Variants in ZNF544 observed in about 807,000 individuals in gnomAD.
ZNF544 encodes zinc finger protein AF020591.
A neutral mutation model predicts 13.5 loss-of-function variants in ZNF544; 10 were observed. That is an observed-to-expected ratio of 0.74 (90% CI 0.46 to 1.25). ZNF544 has a LOEUF of 1.25. Among genes scored for constraint, ZNF544 ranks in the 50% most tolerant of loss-of-function variants. The pLI, the probability that ZNF544 is intolerant of heterozygous loss-of-function variation, is 0.00. For synonymous variants in ZNF544, 323 were observed against 300.5 expected (o/e 1.07, Z -0.77); for missense variants, 896 against 845.6 (o/e 1.06, Z -0.74).
intron 6 of ZNF544, chr19:58,257,442 C>A (rs1332137479): frequency 6.6e-6 from 1 of 152,194 alleles, no homozygotes; most frequent in African/African-American, 2.4e-5. Context: ...TGGCCCATGA[C>A]CAGTCTGATT....
At chr19:58,247,212 A>G (rs1568474187) in intron 6 of ZNF544, 1 of 154,422 alleles carries the variant, frequency 6.5e-6, no homozygotes. Flanking sequence ...CAGCCTCCCT[A>G]GTAGCTTGGA....
Position 58,261,179 on chromosome 19 carries a change from TAA to T in ZNF544, c.575_576del (p.Lys192ArgfsTer10), listed in dbSNP as rs866715638. ...GTTTCCCTAAGCCCAACTCACAAGT[TAA>T]AGAGTTGAAACAAAATTCAGCTTTC... ...TGFPKPNSQVKELKQNSAFIN... is the reference protein window; with the variant it reads ...TGFPKPNSQVXELKQNSAFIN... On this transcript the variant is annotated frameshift_variant, in exon 7 of 7. Transcript: ENST00000687789. LOFTEE classifies it low-confidence loss of function (END_TRUNC). 3.5e-5 allele frequency: 57 copies of T among 1,614,140 alleles called. No individual in the cohort carries two copies. Among genetic ancestry groups the T allele is most frequent in the Non-Finnish European group, 4.7e-5 (55 of 1,180,044 alleles).
At chr19:58,266,212 CAAAAAAAA>C (rs760851818), downstream of ZNF544, among the ~76,000 whole-genome samples, 3 of 46,206 alleles carry the variant, frequency 6.5e-5, no homozygotes, top group Non-Finnish European at 1.1e-4. Context: ...GACTCTGTCT[CAAAAAAAA>C]AAAAAAAAAA....
chr19:58,251,351 G>C (rs762561114), intron 6 of ZNF544: 2 of 518,906 alleles, frequency 3.9e-6, no homozygotes, highest in African/African-American at 3.8e-5. Flanking sequence ...TGGCTGATGG[G>C]AGCTTCAGGT....
chr19:58,253,080 A>C (rs2046573586), intron 6 of ZNF544, among the ~76,000 whole-genome samples: 1 of 152,260 alleles, frequency 6.6e-6, no homozygotes, highest in Non-Finnish European at 1.5e-5. Flanking sequence ...GGCCTCCCAA[A>C]GTGCTGGGAT....
downstream of ZNF544, among the ~76,000 whole-genome samples, chr19:58,264,384 C>CAAA (rs34082011): frequency 3.1e-3 from 281 of 91,232 alleles, 2 homozygotes; most frequent in Admixed American, 0.016. Flanking sequence ...AACTTCATCT[C>CAAA]AAAAAAAAAA....
chr19:58,240,346 C>T (rs955161883), intron 3 of ZNF544, among the ~76,000 whole-genome samples: 3 of 151,872 alleles, frequency 2.0e-5, no homozygotes, highest in African/African-American at 7.2e-5. Context: ...CAAGCTCCGC[C>T]TCCCGGGTTC....
chr19:58,240,533 A>G (rs116462981), intron 3 of ZNF544, among the ~76,000 whole-genome samples: 1,528 of 152,178 alleles, frequency 0.01, 35 homozygotes, highest in African/African-American at 0.035. Context: ...CTGGGATTAT[A>G]GGCATGACTT....
intron 6 of ZNF544, among the ~76,000 whole-genome samples, chr19:58,256,441 C>G (rs2047392026): frequency 1.3e-5 from 2 of 152,008 alleles, no homozygotes; most frequent in Admixed American, 1.3e-4. Context: ...ACTTTTATAC[C>G]TAGGTTTAGG....
intron 5 of ZNF544, chr19:58,276,225 A>C (rs2051211625): frequency 2.0e-6 from 1 of 510,252 alleles, no homozygotes. Flanking sequence ...TCCCCTAAAG[A>C]GAATAGATCT....
chr19:58,251,368 T>A (rs766822728), intron 6 of ZNF544: 5 of 519,026 alleles, frequency 9.6e-6, no homozygotes, highest in Admixed American at 1.9e-5. Flanking sequence ...AGGTTCCCGG[T>A]CTGGGACTTC....
intron 5 of ZNF544, among the ~76,000 whole-genome samples, chr19:58,271,279 G>A (rs1395990391): frequency 6.6e-6 from 1 of 151,238 alleles, no homozygotes; most frequent in African/African-American, 2.4e-5. Flanking sequence ...TCCTCAAGAA[G>A]AATTGGAACA....
Position 58,261,103 on chromosome 19 carries a change from CTCT to C in ZNF544, c.498_500del (p.Leu167del). The stretch of plus-strand genomic sequence containing the variant: ...GAGCTTGAACTTGGGGGAGGTTATT[CTCT>C]ACCTTCTACTTTAAGCCTTCTACCT... On this transcript the variant is annotated inframe_deletion, in exon 7 of 7. Coordinates refer to ENST00000687789, the MANE Select transcript of ZNF544 (RefSeq NM_014480.4). The C allele has an allele frequency of 1.2e-6, 2 of 1,614,140 alleles. No homozygotes were observed. The highest frequency in any genetic ancestry group is 1.7e-6 in the Non-Finnish European group (2 of 1,180,026).
At chr19:58,251,817 T>A (rs1186823691) in intron 6 of ZNF544, among the ~76,000 whole-genome samples, 4 of 152,316 alleles carry the variant, frequency 2.6e-5, no homozygotes, top group Non-Finnish European at 2.9e-5. Flanking sequence ...TAGGAACTCC[T>A]ATTTTAGAGT....
At chr19:58,238,223 C>T (rs767006006) in intron 3 of ZNF544, among the ~76,000 whole-genome samples, 1 of 152,178 alleles carries the variant, frequency 6.6e-6, no homozygotes, top group Non-Finnish European at 1.5e-5. Context: ...TGAGTTACCA[C>T]GCCTGGCTGA....
intron 6 of ZNF544, 130 bp from the exon 7 acceptor site, chr19:58,260,721 T>G: frequency 1.2e-6 from 1 of 842,782 alleles, no homozygotes; most frequent in Non-Finnish European, 1.8e-6. Flanking sequence ...ACAGCCTGCA[T>G]ACGGATTACA....
chr19:58,273,518 G>A (rs1433081995), intron 5 of ZNF544, among the ~76,000 whole-genome samples: 1 of 151,326 alleles, frequency 6.6e-6, no homozygotes, highest in Non-Finnish European at 1.5e-5. Flanking sequence ...CCGAAACCCT[G>A]TCTCTACTAA....
chr19:58,251,381 A>G (rs1363490815), intron 6 of ZNF544: 2 of 518,956 alleles, frequency 3.9e-6, no homozygotes, highest in African/African-American at 1.9e-5. Flanking sequence ...GGGACTTCAC[A>G]TAACACAGGC....
At chr19:58,243,762 G>A (rs892421202) in intron 3 of ZNF544, among the ~76,000 whole-genome samples, 3 of 152,116 alleles carry the variant, frequency 2.0e-5, no homozygotes, top group African/African-American at 4.8e-5. Flanking sequence ...GGGCTGCTGC[G>A]TGTCTGGACT....
Sources: allele counts gnomAD v4.1 joint callset (sites outside exome capture counted in the v4.1 genomes callset), GRCh38; gene constraint gnomAD v4.1.1; transcripts MANE v1.5; gene names NCBI Gene and HGNC (gene_info 2026-07-23, HGNC 2026-07-21).